Variants in KIF18A observed in about 807,000 individuals in gnomAD.
KIF18A encodes kinesin-like protein KIF18A.
Under a neutral mutation model 103.3 loss-of-function variants are expected in KIF18A, and 67 were observed. The ratio of observed to expected loss-of-function variants is 0.65; its 90% confidence interval spans 0.53 to 0.79. The LOEUF is 0.79. Among genes scored for constraint, KIF18A ranks in the 30% least tolerant of loss-of-function variants. KIF18A has a pLI of 0.00. For missense variants in KIF18A, 1,032 were observed against 1,062.5 expected (o/e 0.97, Z 0.40); for synonymous variants, 367 against 355.5 (o/e 1.03, Z -0.36).
At chr11:28,083,091 T>C in intron 8 of KIF18A, 78 bp downstream of exon 8, 2 of 1,515,982 alleles carry the variant, frequency 1.3e-6, no homozygotes, top group Non-Finnish European at 1.8e-6. Flanking sequence ...ATATGTTAAA[T>C]TTTTGGACAA....
intron 1 of KIF18A, among the ~76,000 whole-genome samples, chr11:28,107,757 GT>G (rs928363136): frequency 1.3e-5 from 2 of 152,192 alleles, no homozygotes; most frequent in African/African-American, 4.8e-5. Flanking sequence ...GGCAGTTAAA[GT>G]TCTCTGCCAG....
chr11:28,036,365 C>G lies in KIF18A; in HGVS notation c.2248G>C (p.Glu750Gln), dbSNP rs1340891413. ...NSDNCLKMLC[E>Q]VAIPHNRRKE... ...CTTCTATTATGAGGGATAGCTACTT[C>G]ACACAACATTTTCAGACAATTATCA... The change falls in exon 14 of 17, where the codon GAA becomes CAA. Residue 750 changes from glutamate (E) to glutamine (Q), a missense_variant. By Grantham distance (29) the Glu-to-Gln change is conservative. Coordinates refer to ENST00000263181, the MANE Select transcript of KIF18A (RefSeq NM_031217.4). The G allele has an allele frequency of 6.2e-7, 1 of 1,611,270 alleles. No individual in the cohort carries two copies. The highest frequency in any genetic ancestry group is 1.3e-5 in the African/African-American group (1 of 74,840).
Position 28,077,117 on chromosome 11 carries a change from C to G in KIF18A, c.1315G>C (p.Glu439Gln). ...AGTAACATTTCCAACTTCAGATATTCTTGTCTAATTTCTTCTCGATTCTGG... is the reference window on the plus strand; with the variant it reads ...AGTAACATTTCCAACTTCAGATATTGTTGTCTAATTTCTTCTCGATTCTGG... ...LFQNREEIRQ[E>Q]YLKLEMLLKE... Residue 439 changes from glutamate (E) to glutamine (Q), a missense_variant, in exon 10 of 17, where the codon GAA (glutamate) becomes CAA (glutamine). Transcript: ENST00000263181. The G allele has an allele frequency of 6.3e-7, 1 of 1,576,758 alleles. No homozygotes were observed. Among genetic ancestry groups the G allele is most frequent in the Non-Finnish European group, 8.6e-7 (1 of 1,168,452 alleles).
chr11:28,089,607 T>C (rs997675110), intron 5 of KIF18A, among the ~76,000 whole-genome samples: 43 of 152,328 alleles, frequency 2.8e-4, no homozygotes, highest in African/African-American at 9.9e-4. Flanking sequence ...ATAGGAACTT[T>C]TCAGCTCTGT....
chr11:28,055,844 A>G (rs1369901330), intron 13 of KIF18A, among the ~76,000 whole-genome samples: 1 of 152,178 alleles, frequency 6.6e-6, no homozygotes, highest in East Asian at 1.9e-4. Context: ...ATGCAAGAAA[A>G]TCAGTCTAAA....
Position 28,036,597 on chromosome 11 carries a change from C to T in KIF18A, c.2016G>A (p.Met672Ile), listed in dbSNP as rs775970379. Residue 672 changes from methionine to isoleucine, a missense_variant, in exon 14 of 17, where the codon ATG becomes ATA. Met to Ile is a conservative substitution (Grantham distance 10). Transcript: ENST00000263181. ...TATGCTGTCCTTTCAAGGGAGATGG[C>T]ATTAGTTTTCTCCGAGTTCTTTTTT... ...PTEKRTRRKL[M>I]PSPLKGQHTL... The T allele has an allele frequency of 6.8e-6, 11 of 1,610,288 alleles. No homozygotes were observed. Among genetic ancestry groups the T allele is most frequent in the Non-Finnish European group, 9.3e-6 (11 of 1,177,806 alleles).
At chr11:28,057,617 G>C (rs1226682603) in intron 13 of KIF18A, among the ~76,000 whole-genome samples, 1 of 151,802 alleles carries the variant, frequency 6.6e-6, no homozygotes, top group Non-Finnish European at 1.5e-5. Flanking sequence ...TTACTCTCAT[G>C]GGTACTAAGT....
At chr11:28,083,341 G>T (rs556578710) in intron 7 of KIF18A, 98 bp from the exon 8 acceptor site, 3 of 1,289,414 alleles carry the variant, frequency 2.3e-6, no homozygotes, top group Admixed American at 3.6e-5. Flanking sequence ...TGAGTTCCAT[G>T]AATTCAGAAT....
intron 10 of KIF18A, among the ~76,000 whole-genome samples, chr11:28,070,610 G>C (rs1250332031): frequency 6.6e-6 from 1 of 152,098 alleles, no homozygotes; most frequent in South Asian, 2.1e-4. Flanking sequence ...CCTAGTCTCT[G>C]TCTGTCACAG....
At chr11:28,080,814 C>T (rs557329951) in intron 9 of KIF18A, among the ~76,000 whole-genome samples, 2 of 152,202 alleles carry the variant, frequency 1.3e-5, no homozygotes, top group Admixed American at 6.5e-5. Context: ...CCAAGATAGG[C>T]GAAAAGCTAG....
At chr11:28,082,627 C>T (rs566841954) in intron 9 of KIF18A, among the ~76,000 whole-genome samples, 11 of 152,178 alleles carry the variant, frequency 7.2e-5, no homozygotes, top group African/African-American at 2.4e-4. Context: ...TTGTGTGACT[C>T]ATTTTATTAT....
intron 13 of KIF18A, among the ~76,000 whole-genome samples, chr11:28,057,136 C>T (rs752277375): frequency 6.6e-6 from 1 of 151,804 alleles, no homozygotes. Context: ...AACAAATAAA[C>T]AAAAATTTCC....
intron 3 of KIF18A, among the ~76,000 whole-genome samples, chr11:28,093,310 T>C (rs535482343): frequency 9.2e-5 from 14 of 152,186 alleles, no homozygotes; most frequent in Non-Finnish European, 1.9e-4. Context: ...TTCTTTTTTA[T>C]CTATAAGTTC....
intron 13 of KIF18A, among the ~76,000 whole-genome samples, chr11:28,052,713 G>A (rs1043175463): frequency 4.6e-5 from 7 of 151,876 alleles, no homozygotes; most frequent in African/African-American, 1.7e-4. Context: ...TTCTCTACTA[G>A]AAGTGAGCTC....
intron 1 of KIF18A, among the ~76,000 whole-genome samples, chr11:28,103,636 T>G (rs1851471406): frequency 6.6e-6 from 1 of 152,098 alleles, no homozygotes; most frequent in Admixed American, 6.6e-5. Flanking sequence ...ATAGAGAGTC[T>G]AGTATATAGT....
chr11:28,083,296 A>C, intron 7 of KIF18A, 53 bp from the exon 8 acceptor site: 2 of 1,490,806 alleles, frequency 1.3e-6, no homozygotes, highest in Non-Finnish European at 1.8e-6. Context: ...AATCACAGAG[A>C]TAAATACATG....
At chr11:28,070,461 A>G (rs1460374467) in intron 10 of KIF18A, among the ~76,000 whole-genome samples, 1 of 152,188 alleles carries the variant, frequency 6.6e-6, no homozygotes, top group Non-Finnish European at 1.5e-5. Context: ...CTTCCCCTCA[A>G]GGGAAATACA....
chr11:28,097,167 T>C (rs1186987763), intron 2 of KIF18A, among the ~76,000 whole-genome samples: 1 of 152,116 alleles, frequency 6.6e-6, no homozygotes, highest in Non-Finnish European at 1.5e-5. Context: ...AGTCTCCTCC[T>C]ATCCTTCGCC....
At chr11:28,071,138 C>T (rs921996361) in intron 10 of KIF18A, among the ~76,000 whole-genome samples, 7 of 152,194 alleles carry the variant, frequency 4.6e-5, no homozygotes, top group African/African-American at 1.7e-4. Flanking sequence ...CTAAGGATTC[C>T]TGAGATCCTT....
Sources: gnomAD v4.1 joint callset for allele counts (sites outside exome capture counted in the v4.1 genomes callset) on GRCh38, gnomAD v4.1.1 for gene constraint, MANE v1.5 for transcripts, NCBI Gene and HGNC (gene_info 2026-07-23, HGNC 2026-07-21) for gene names.